CDH23: variants seen among roughly 807,000 people sequenced by gnomAD.
CDH23 encodes the protein cadherin related 23, also known as cadherin-23.
CDH23 carries 189 observed loss-of-function variants against 317.1 expected under a neutral mutation model. The ratio of observed to expected loss-of-function variants is 0.60; its 90% CI spans 0.53 to 0.67. The LOEUF is 0.67. CDH23 is among the 30% of genes least tolerant of loss of function. The pLI, the probability that CDH23 is intolerant of heterozygous loss-of-function variation, is 0.00. For missense variants in CDH23, 4,401 were observed against 4,592.4 expected (o/e 0.96, Z 1.20); for synonymous variants, 1,839 against 1,876.8 (o/e 0.98, Z 0.52).
intron 52 of CDH23, among the ~76,000 whole-genome samples, chr10:71,800,433 G>A (rs1841525293): frequency 6.6e-6 from 1 of 152,122 alleles, no homozygotes; most frequent in South Asian, 2.1e-4. Context: ...CTCCAGGCTG[G>A]GCTGGTCACC....
intron 9 of CDH23, among the ~76,000 whole-genome samples, chr10:71,581,835 C>G (rs1046902829): frequency 6.6e-6 from 1 of 152,206 alleles, no homozygotes; most frequent in Non-Finnish European, 1.5e-5. Context: ...ACAGACACCC[C>G]CTCTGGCCTC....
chr10:71,542,722 T>A (rs1177178950), intron 6 of CDH23, among the ~76,000 whole-genome samples: 4 of 152,240 alleles, frequency 2.6e-5, no homozygotes, highest in Admixed American at 6.5e-5. Flanking sequence ...CACAGCCTGG[T>A]GCCCTGAGGG....
intron 36 of CDH23, 128 bp from the exon 37 acceptor site, chr10:71,740,693 AG>A: frequency 7.5e-7 from 1 of 1,324,870 alleles, no homozygotes; most frequent in Non-Finnish European, 1.0e-6. Flanking sequence ...CAGGCCACCC[AG>A]GGGTTCTCAG....
At chr10:71,738,837 G>A (rs912941096) in intron 35 of CDH23, among the ~76,000 whole-genome samples, 190 bp downstream of exon 35, 21 of 152,268 alleles carry the variant, frequency 1.4e-4, no homozygotes, top group African/African-American at 9.6e-5. Context: ...CAGGCCGGTG[G>A]CCCTGCCTGG....
In CDH23 at chr10:71,654,667, A is replaced by T. The variant is rs1863337180; in HGVS notation, c.1449+8050A>T. 3.3e-5 allele frequency among the ~76,000 whole-genome samples: 5 copies of T among 152,262 alleles called. No homozygotes were observed. The South Asian group carries it at 1.0e-3, about 32-fold the overall frequency. ...CTGATGGTGTTCTCACCCTGCCACGACTGTGCCCTTGGCTCATTTGGCTGA... is the reference window on the plus strand; with the variant it reads ...CTGATGGTGTTCTCACCCTGCCACGTCTGTGCCCTTGGCTCATTTGGCTGA... On this transcript the variant is annotated intron_variant, in intron 14 of 69. Coordinates refer to ENST00000224721, the MANE Select transcript of CDH23 (RefSeq NM_022124.6).
intron 7 of CDH23, among the ~76,000 whole-genome samples, chr10:71,569,565 G>A (rs1361659489): frequency 6.6e-6 from 1 of 152,210 alleles, no homozygotes; most frequent in Non-Finnish European, 1.5e-5. Flanking sequence ...CAAATTAAGA[G>A]ACCGAACTGA....
intron 7 of CDH23, among the ~76,000 whole-genome samples, chr10:71,570,395 C>G (rs1429757358): frequency 6.6e-6 from 1 of 152,166 alleles, no homozygotes; most frequent in Non-Finnish European, 1.5e-5. Flanking sequence ...CTGAACTCAG[C>G]AAAGGAGCTG....
At chr10:71,731,879 C>T (rs1839402217) in intron 31 of CDH23, 108 bp from the exon 32 acceptor site, 1 of 1,215,934 alleles carries the variant, frequency 8.2e-7, no homozygotes, top group African/African-American at 1.5e-5. Flanking sequence ...TGGGGCAGCC[C>T]ATGCTGGGTG....
intron 1 of CDH23, among the ~76,000 whole-genome samples, chr10:71,403,019 G>A (rs1847856656): frequency 6.6e-6 from 1 of 152,198 alleles, no homozygotes; most frequent in South Asian, 2.1e-4. Context: ...CTACTCGGGA[G>A]GCTGAGGCAG....
At chr10:71,553,327 A>C (rs1856702150) in intron 6 of CDH23, among the ~76,000 whole-genome samples, 1 of 150,756 alleles carries the variant, frequency 6.6e-6, no homozygotes, top group Admixed American at 6.6e-5. Context: ...GGCCCTCACC[A>C]CCCCTCAGCT....
At position 71,707,201 on chromosome 10, in the gene CDH23, G is replaced by A. The variant is rs529131452; in HGVS notation, c.3106+152G>A. 80 of 1,506,648 alleles carry A rather than the reference G, an allele frequency of 5.3e-5. No individual in the cohort carries two copies. The South Asian group carries it at 6.2e-4, about 12-fold the overall frequency. The allele number at this position is 1,506,648 out of a possible 1,614,324, so 93.3% of individuals were successfully genotyped here. ...GCTTTAGCCTCTGGTGGTGCCTCCC[G>A]AGGATTTGCTCCTGGCTCTTCCCAA... On this transcript the variant is annotated intron_variant, in intron 26 of 69. Transcript: ENST00000224721.
intron 28 of CDH23, among the ~76,000 whole-genome samples, chr10:71,723,843 G>A (rs975267718): frequency 6.6e-6 from 1 of 152,166 alleles, no homozygotes; most frequent in African/African-American, 2.4e-5. Context: ...GGCTGCAGGG[G>A]CCATCAGCGG....
At chr10:71,680,501 A>G (rs1864575035) in intron 17 of CDH23, among the ~76,000 whole-genome samples, 1 of 152,110 alleles carries the variant, frequency 6.6e-6, no homozygotes, top group South Asian at 2.1e-4. Context: ...TAATCCCAGC[A>G]CTTTGGGAGG....
chr10:71,523,523 T>C (rs1232149324), intron 6 of CDH23, among the ~76,000 whole-genome samples: 1 of 152,128 alleles, frequency 6.6e-6, no homozygotes, highest in African/African-American at 2.4e-5. Flanking sequence ...AAGTAATGCC[T>C]AAAGTGTGCT....
At chr10:71,432,486 A>AGT (rs1008431657) in intron 1 of CDH23, among the ~76,000 whole-genome samples, 5 of 142,304 alleles carry the variant, frequency 3.5e-5, no homozygotes, top group East Asian at 4.2e-4. Context: ...TGTGTTTGAG[A>AGT]GTGTGTGTGT....
At chr10:71,803,619 C>G (rs897859797) in intron 55 of CDH23, among the ~76,000 whole-genome samples, 199 bp downstream of exon 55, 1 of 151,942 alleles carries the variant, frequency 6.6e-6, no homozygotes, top group African/African-American at 2.4e-5. Flanking sequence ...CAGACCTGCC[C>G]AGTGCCACAC....
chr10:71,807,097 G>C (rs571779694), intron 57 of CDH23, among the ~76,000 whole-genome samples, 180 bp from the exon 58 acceptor site: 2 of 152,336 alleles, frequency 1.3e-5, no homozygotes, highest in East Asian at 3.9e-4. Flanking sequence ...TGAGGGCAGA[G>C]CTCAGGTCCG....
Position 71,793,354 on chromosome 10 carries a change from A to G in CDH23, c.6426A>G (p.Leu2142=), listed in dbSNP as rs371932558. The change falls in exon 48 of 70, where the codon CTA becomes CTG. Residue 2142 remains leucine, a synonymous_variant. Coordinates refer to ENST00000224721, the MANE Select transcript of CDH23 (RefSeq NM_022124.6). ...GAGAGGAGCAGGAGTCCTACAGGCTAACGGTGGTGGCCACCGACCGGGGCA... is the reference window on the plus strand; with the variant it reads ...GAGAGGAGCAGGAGTCCTACAGGCTGACGGTGGTGGCCACCGACCGGGGCA... ...IDREEQESYR[L]TVVATDRGTV... is the part of the protein sequence containing the mutation. 1.6e-4 allele frequency: 262 copies of G among 1,613,806 alleles called. No homozygotes were observed. Among genetic ancestry groups the G allele is most frequent in the Non-Finnish European group, 2.0e-4 (241 of 1,179,884 alleles).
At chr10:71,431,994 C>T (rs574167472) in intron 1 of CDH23, among the ~76,000 whole-genome samples, 60 of 152,338 alleles carry the variant, frequency 3.9e-4, no homozygotes, top group African/African-American at 1.4e-3. Context: ...CAGGCTTCAA[C>T]GGGCTTCCTC....
Sources: allele counts gnomAD v4.1 joint callset (sites outside exome capture counted in the v4.1 genomes callset), GRCh38; gene constraint gnomAD v4.1.1; transcripts MANE v1.5; gene names NCBI Gene and HGNC (gene_info 2026-07-23, HGNC 2026-07-21).